The following XRN1 variants were observed in gnomAD, a reference collection of about 807,000 sequenced individuals.
XRN1 encodes strand-exchange protein 1 homolog.
Under a neutral mutation model 222.3 loss-of-function variants are expected in XRN1, and 67 were observed. The observed-to-expected ratio is 0.30, with a 90% confidence interval of 0.25 to 0.37. XRN1 has a LOEUF of 0.37. Ranked by LOEUF, XRN1 falls within the 10% of genes least tolerant of loss-of-function variation. The pLI, the probability that XRN1 is intolerant of heterozygous loss-of-function variation, is 1.00. For missense variants in XRN1, 1,707 were observed against 2,000.2 expected (o/e 0.85, Z 2.80); for synonymous variants, 643 against 652.4 (o/e 0.99, Z 0.22).
At chr3:142,367,014 G>A (rs1212383655) in intron 27 of XRN1, among the ~76,000 whole-genome samples, 2 of 152,220 alleles carry the variant, frequency 1.3e-5, no homozygotes, top group East Asian at 3.8e-4. Context: ...TTGGCCAGGT[G>A]AAGAGGCTTA....
At chr3:142,326,028 T>C (rs1232777111) in intron 37 of XRN1, among the ~76,000 whole-genome samples, 1 of 152,178 alleles carries the variant, frequency 6.6e-6, no homozygotes, top group Non-Finnish European at 1.5e-5. Context: ...GGTCTCTGTC[T>C]GTTTTTAAGC....
chr3:142,349,510 T>C (rs960207143), intron 32 of XRN1, among the ~76,000 whole-genome samples: 31 of 151,864 alleles, frequency 2.0e-4, no homozygotes, highest in Non-Finnish European at 3.7e-4. Flanking sequence ...GTAAATAATA[T>C]AATATTATTA....
In XRN1 at chr3:142,392,055, C is replaced by T. The variant is rs113867088; in HGVS notation, c.2339+5274G>A. On this transcript the variant is annotated intron_variant, in intron 20 of 40. Coordinates refer to ENST00000392981, the MANE Select transcript of XRN1 (RefSeq NM_001282857.2). ...CCTTTTCACTCCATTTTATCCTCAA[C>T]TTCTACCTCCTTATCTGAAGGTTCC... Among the ~76,000 whole-genome samples the T allele has an allele frequency of 9.5e-3, 1,440 of 152,172 alleles. 23 individuals carry two copies. The highest frequency in any genetic ancestry group is 0.032 in the African/African-American group (1,318 of 41,502).
chr3:142,313,249 C>G, intron 39 of XRN1: 3 of 1,510,694 alleles, frequency 2.0e-6, no homozygotes, highest in Non-Finnish European at 2.7e-6. Context: ...TTTCTTTTCT[C>G]TATTTTAATA....
intron 29 of XRN1, among the ~76,000 whole-genome samples, chr3:142,363,951 T>C (rs1442537974): frequency 6.6e-6 from 1 of 152,208 alleles, no homozygotes; most frequent in Non-Finnish European, 1.5e-5. Flanking sequence ...AAGAAAATTC[T>C]TTTAGTTATG....
At chr3:142,388,082 AT>A (rs999060401) in intron 20 of XRN1, among the ~76,000 whole-genome samples, 81 of 152,132 alleles carry the variant, frequency 5.3e-4, no homozygotes, top group African/African-American at 1.9e-3. Flanking sequence ...GGCTAAGACA[AT>A]ACTTTCATTT....
Position 142,403,772 on chromosome 3 carries a change from A to T in XRN1, c.2005T>A (p.Phe669Ile), listed in dbSNP as rs1469491295. Residue 669 changes from phenylalanine to isoleucine, a missense_variant and splice_region_variant, in exon 18 of 41, where the codon TTT (phenylalanine) becomes ATT (isoleucine). Physicochemically the swap from Phe to Ile is conservative, Grantham distance 21. Coordinates refer to ENST00000392981, the MANE Select transcript of XRN1 (RefSeq NM_001282857.2). ...TGAACACCACTTTTCTTCAAAAAAA[A>T]CTTTAAAAGAATTCAAATAATTTAA... Reference protein sequence around the residue: ...FPTLKHIRHKFFLKKSGVQVF... With the variant: ...FPTLKHIRHKIFLKKSGVQVF... 1 of 1,611,918 alleles carries T rather than the reference A, an allele frequency of 6.2e-7. No homozygotes were observed. Among genetic ancestry groups the T allele is most frequent in the South Asian group, 1.1e-5 (1 of 90,506 alleles).
At chr3:142,313,324 C>A (rs1220213943) in intron 39 of XRN1, 1 of 850,006 alleles carries the variant, frequency 1.2e-6, no homozygotes, top group Non-Finnish European at 1.9e-6. Context: ...CCAATGGGTG[C>A]CAAATCTAAT....
intron 24 of XRN1, 31 bp downstream of exon 24, chr3:142,376,447 AC>A: frequency 6.7e-7 from 1 of 1,496,310 alleles, no homozygotes; most frequent in Non-Finnish European, 9.3e-7. Flanking sequence ...TTTTTCTGCC[AC>A]TTTAAGTAAA....
chr3:142,332,988 C>A lies in XRN1; in HGVS notation c.4041G>T (p.Leu1347Phe). 6.2e-7 allele frequency: 1 copy of A among 1,613,650 alleles called. No homozygotes were observed. The highest frequency in any genetic ancestry group is 1.3e-5 in the African/African-American group (1 of 75,014). ...GAACCATGGCAAATGACTGTGGTGA[C>A]AAATGCTCTTCACTTGGAGGCTCCC... The part of the protein sequence containing the change: ...HHGEPPSEEH[L>F]SPQSFAMKGT... Residue 1347 changes from leucine to phenylalanine, a missense_variant, in exon 35 of 41, where the codon TTG (leucine) becomes TTT (phenylalanine). Leu to Phe is a conservative substitution (Grantham distance 22, BLOSUM62 0). Transcript: ENST00000392981.
intron 20 of XRN1, among the ~76,000 whole-genome samples, chr3:142,387,510 C>T (rs2067550664): frequency 6.6e-6 from 1 of 152,076 alleles, no homozygotes; most frequent in Non-Finnish European, 1.5e-5. Context: ...TACAGCCATT[C>T]TTTGGGAGAC....
intron 1 of XRN1, among the ~76,000 whole-genome samples, chr3:142,434,646 TACTTGAGAG>T (rs1323459663): frequency 3.3e-5 from 5 of 152,130 alleles, no homozygotes; most frequent in Non-Finnish European, 7.4e-5. Context: ...CTGTTCTAGC[TACTTGAGAG>T]ACTGAAGTGA....
At chr3:142,338,232 A>G (rs879510035) in intron 33 of XRN1, among the ~76,000 whole-genome samples, 6 of 152,158 alleles carry the variant, frequency 3.9e-5, no homozygotes, top group Non-Finnish European at 7.3e-5. Context: ...CCACTTGACG[A>G]AAGAAAAGGG....
chr3:142,375,658 C>T (rs894984205), intron 25 of XRN1, 140 bp downstream of exon 25: 1 of 787,782 alleles, frequency 1.3e-6, no homozygotes, highest in Non-Finnish European at 1.8e-6. Flanking sequence ...TTCCATGATG[C>T]AAAATTAAGT....
chr3:142,361,446 G>GT (rs1195680879), intron 29 of XRN1, among the ~76,000 whole-genome samples: 1 of 152,166 alleles, frequency 6.6e-6, no homozygotes, highest in Non-Finnish European at 1.5e-5. Context: ...TATGATGTAT[G>GT]TTTAACTTTT....
chr3:142,311,632 T>C lies in XRN1; in HGVS notation c.4964A>G (p.Gln1655Arg). Residue 1655 changes from glutamine (Q) to arginine (R), a missense_variant, in exon 41 of 41, where the codon CAA becomes CGA. This residue lies in a region of XRN1 where 473 missense variants were observed against 482.0 expected (regional missense o/e 0.98). Transcript: ENST00000392981. ...ATGGCCTTGAGAGGCAGTTTCAACT[T>C]GAAAAGAAGATGCAGGTTGAGCAAT... ...SPIAQPASSF[Q>R]VETASQGHSI... 1 of 1,614,142 alleles carries C rather than the reference T, an allele frequency of 6.2e-7. No homozygotes were observed. The highest frequency in any genetic ancestry group is 8.5e-7 in the Non-Finnish European group (1 of 1,180,020).
At chr3:142,395,876 T>G (rs564284599) in intron 20 of XRN1, among the ~76,000 whole-genome samples, 2 of 152,328 alleles carry the variant, frequency 1.3e-5, no homozygotes, top group Admixed American at 1.3e-4. Flanking sequence ...ATGTAAGTCT[T>G]CCCTCATCAT....
chr3:142,334,738 CTATG>C (rs1242302894), intron 34 of XRN1, among the ~76,000 whole-genome samples: 3 of 146,864 alleles, frequency 2.0e-5, no homozygotes, highest in East Asian at 4.0e-4. Flanking sequence ...TATATAATGT[CTATG>C]TGTGTGTATA....
At chr3:142,419,612 C>A (rs1559868175) in intron 10 of XRN1, among the ~76,000 whole-genome samples, 1 of 152,090 alleles carries the variant, frequency 6.6e-6, no homozygotes, top group Admixed American at 6.5e-5. Context: ...AGTTCGAGAC[C>A]AGCATTACCA....
Sources: allele counts gnomAD v4.1 joint callset (sites outside exome capture counted in the v4.1 genomes callset), GRCh38; gene constraint gnomAD v4.1.1; regional missense constraint gnomAD v4.1.1; transcripts MANE v1.5; gene names NCBI Gene and HGNC (gene_info 2026-07-23, HGNC 2026-07-21).